PLXDC2: variants seen among roughly 807,000 people sequenced by gnomAD.
The protein encoded by PLXDC2 is plexin domain-containing protein 2.
Under a neutral mutation model 68.9 loss-of-function variants are expected in PLXDC2, and 40 were observed. That is an observed-to-expected ratio of 0.58 (90% CI 0.45 to 0.76). The LOEUF (loss-of-function observed/expected upper bound fraction) is 0.76, where lower values mean the gene tolerates loss of function less well. PLXDC2 is among the 30% of genes least tolerant of loss of function. The pLI, the probability that PLXDC2 is intolerant of heterozygous loss-of-function variation, is 0.00. For synonymous variants in PLXDC2, 243 were observed against 234.2 expected (o/e 1.04, Z -0.34); for missense variants, 644 against 661.9 (o/e 0.97, Z 0.30).
chr10:20,277,669 G>A (rs1836026248), intron 13 of PLXDC2, among the ~76,000 whole-genome samples: 1 of 152,182 alleles, frequency 6.6e-6, no homozygotes, highest in Non-Finnish European at 1.5e-5. Context: ...GCGTTGTTAT[G>A]ACTAAGACTG....
chr10:20,166,399 G>A (rs990766617), intron 7 of PLXDC2, among the ~76,000 whole-genome samples: 3 of 152,070 alleles, frequency 2.0e-5, no homozygotes, highest in Non-Finnish European at 2.9e-5. Flanking sequence ...AAACTAAATT[G>A]TACTGTGAAC....
At chr10:20,254,161 C>T (rs1376472681) in intron 13 of PLXDC2, among the ~76,000 whole-genome samples, 1 of 152,090 alleles carries the variant, frequency 6.6e-6, no homozygotes, top group African/African-American at 2.4e-5. Context: ...AAGGGGATTC[C>T]CCATCCCAAG....
Position 19,961,659 on chromosome 10 carries a change from A to T in PLXDC2, c.113-40116A>T, listed in dbSNP as rs16919610. ...CACCTAAATGGGTCAAATGGCACTG[A>T]TACCCACATCAGCCATTGATGACTG... On this transcript the variant is annotated intron_variant, in intron 1 of 13. Transcript: ENST00000377252. 9.9e-3 allele frequency among the ~76,000 whole-genome samples: 1,501 copies of T among 152,318 alleles called. 25 individuals are homozygous for T. Among genetic ancestry groups the T allele is most frequent in the African/African-American group, 0.034 (1,397 of 41,572 alleles).
chr10:20,017,269 T>G (rs898042068), intron 2 of PLXDC2, among the ~76,000 whole-genome samples: 4 of 152,156 alleles, frequency 2.6e-5, no homozygotes, highest in African/African-American at 7.2e-5. Flanking sequence ...CAGGGGCCAC[T>G]GGGCAGCTAA....
chr10:20,056,508 A>C (rs1018030043), intron 3 of PLXDC2, among the ~76,000 whole-genome samples: 2 of 152,200 alleles, frequency 1.3e-5, no homozygotes, highest in South Asian at 4.1e-4. Flanking sequence ...ACATAATTAC[A>C]TAAATACATG....
At chr10:20,170,440 T>G (rs773563420) in intron 7 of PLXDC2, among the ~76,000 whole-genome samples, 1 of 152,214 alleles carries the variant, frequency 6.6e-6, no homozygotes, top group Non-Finnish European at 1.5e-5. Flanking sequence ...TCCTCCTGCT[T>G]CAGCCTCCCA....
intron 13 of PLXDC2, among the ~76,000 whole-genome samples, chr10:20,254,138 T>C (rs1000955572): frequency 6.6e-6 from 1 of 152,168 alleles, no homozygotes; most frequent in African/African-American, 2.4e-5. Flanking sequence ...TCTTTTAAGC[T>C]TTTTTGCCAC....
In PLXDC2 at chr10:19,952,279, ACTTAACAGCAGCTGTTGTTTGAAC is replaced by A. The variant is rs1834003372; in HGVS notation, c.113-49494_113-49471del. Among the ~76,000 whole-genome samples the A allele has an allele frequency of 2.6e-5, 4 of 152,104 alleles. No homozygotes were observed. In the South Asian group the frequency reaches 8.3e-4, roughly 32 times the overall value. ...GAGATATCTCTCCGTCCGCTTGGCT[ACTTAACAGCAGCTGTTGTTTGAAC>A]CATAAAGTGAATTATTCATTAAGTC... On this transcript the variant is annotated intron_variant, in intron 1 of 13. Transcript: ENST00000377252.
chr10:20,239,618 T>C (rs926263996), intron 12 of PLXDC2, among the ~76,000 whole-genome samples: 5 of 152,096 alleles, frequency 3.3e-5, no homozygotes, highest in Non-Finnish European at 4.4e-5. Context: ...ACCAGGTCCC[T>C]CTCTCAACAC....
rs550194481 is a variant in PLXDC2 at position 20,284,330 on chromosome 10, TACACACAC to T, written c.*4527_*4534del. 6 of 126,338 alleles carry T rather than the reference TACACACAC, an allele frequency of 4.7e-5. No homozygotes were observed. Among genetic ancestry groups the T allele is most frequent in the African/African-American group, 1.5e-4 (5 of 34,316 alleles). 7.8% of individuals were successfully genotyped at this position (126,338 alleles called of 1,614,324 possible). A position where few individuals can be genotyped will look rare whatever the true frequency, so the allele number is the denominator to read the frequency against. ...AAATATACATATATATATATATATA[TACACACAC>T]ACACACACACACACAAATATACATA... On this transcript the variant is annotated 3_prime_UTR_variant, in exon 14 of 14. Coordinates refer to ENST00000377252, the MANE Select transcript of PLXDC2 (RefSeq NM_032812.9).
In PLXDC2 at chr10:20,245,397, C is replaced by T; in HGVS notation, c.1365C>T (p.Gly455=). The part of the protein sequence containing the change: ...AEKKGGTLHA[G]LIIGILILVL... ...AGAAAGGGGGAACCCTCCACGCTGG[C>T]CTCATCATTGGAATCCTCATCCTGG... is the stretch of plus-strand genomic sequence containing the variant. The change falls in exon 13 of 14, where the codon GGC becomes GGT. Residue 455 remains glycine, a synonymous_variant. Transcript: ENST00000377252. The T allele has an allele frequency of 1.2e-6, 2 of 1,614,058 alleles. No individual in the cohort carries two copies. Among genetic ancestry groups the T allele is most frequent in the Non-Finnish European group, 1.7e-6 (2 of 1,179,962 alleles).
chr10:20,155,872 T>C (rs1834210004), intron 6 of PLXDC2, among the ~76,000 whole-genome samples: 1 of 152,078 alleles, frequency 6.6e-6, no homozygotes, highest in Non-Finnish European at 1.5e-5. Context: ...TATTTTATTT[T>C]ATTTTATGTA....
intron 1 of PLXDC2, among the ~76,000 whole-genome samples, chr10:19,899,071 C>T (rs957686011): frequency 6.6e-6 from 1 of 152,174 alleles, no homozygotes; most frequent in Non-Finnish European, 1.5e-5. Context: ...ATGTAGAATT[C>T]ACTCAGGATT....
At chr10:20,264,241 A>G (rs1353828507) in intron 13 of PLXDC2, among the ~76,000 whole-genome samples, 2 of 152,200 alleles carry the variant, frequency 1.3e-5, no homozygotes, top group Non-Finnish European at 2.9e-5. Flanking sequence ...GCATGTCCTC[A>G]CTTATTAGTG....
At chr10:19,990,454 A>G (rs780001993) in intron 1 of PLXDC2, among the ~76,000 whole-genome samples, 4 of 151,938 alleles carry the variant, frequency 2.6e-5, no homozygotes, top group Non-Finnish European at 5.9e-5. Flanking sequence ...GTGAGTTATG[A>G]AAACCTTTTA....
intron 7 of PLXDC2, among the ~76,000 whole-genome samples, chr10:20,174,915 G>C (rs1834505885): frequency 6.6e-6 from 1 of 152,032 alleles, no homozygotes; most frequent in Non-Finnish European, 1.5e-5. Flanking sequence ...TCTACTAAAA[G>C]GTAACTCACT....
chr10:20,167,213 A>C (rs948141343), intron 7 of PLXDC2, among the ~76,000 whole-genome samples: 9 of 152,178 alleles, frequency 5.9e-5, no homozygotes, highest in African/African-American at 2.2e-4. Flanking sequence ...TGGGAACACA[A>C]AATTTTATCT....
chr10:19,877,703 C>T (rs980955217), intron 1 of PLXDC2, among the ~76,000 whole-genome samples: 6 of 152,360 alleles, frequency 3.9e-5, no homozygotes, highest in Non-Finnish European at 8.8e-5. Flanking sequence ...ACTACTCTCT[C>T]GGCCTGGCCG....
At chr10:20,154,030 A>C (rs1834185189) in intron 6 of PLXDC2, among the ~76,000 whole-genome samples, 1 of 152,110 alleles carries the variant, frequency 6.6e-6, no homozygotes, top group African/African-American at 2.4e-5. Context: ...AATTTTTTAA[A>C]TGAAAGAACC....
Sources: gnomAD v4.1 joint callset for allele counts (sites outside exome capture counted in the v4.1 genomes callset) on GRCh38, gnomAD v4.1.1 for gene constraint, MANE v1.5 for transcripts, NCBI Gene and HGNC (gene_info 2026-07-23, HGNC 2026-07-21) for gene names.